ALDH1A1: variants seen among roughly 807,000 people sequenced by gnomAD.
ALDH1A1 encodes the protein aldehyde dehydrogenase 1A1.
In ALDH1A1, 19 loss-of-function variants were observed where a neutral mutation model predicts 62.1. The observed-to-expected ratio is 0.31, with a 90% CI of 0.21 to 0.45. The LOEUF is 0.45. Ranked by LOEUF, ALDH1A1 falls within the 20% of genes least tolerant of loss-of-function variation. ALDH1A1 has a pLI of 1.00. For missense variants in ALDH1A1, 521 were observed against 607.1 expected, an observed-to-expected ratio of 0.86 and a Z score of 1.49; for synonymous variants, 231 against 215.9, an observed-to-expected ratio of 1.07 and a Z score of -0.61.
intron 2 of ALDH1A1, among the ~76,000 whole-genome samples, chr9:72,939,039 G>T (rs1000304706): frequency 1.3e-5 from 2 of 152,008 alleles, no homozygotes; most frequent in Admixed American, 6.6e-5. Flanking sequence ...CACTGCGCCC[G>T]GCCAACCCTA....
rs199535733 is a variant in ALDH1A1 at position 72,911,003 on chromosome 9, A to T, written c.1200+955T>A. On this transcript the variant is annotated intron_variant, in intron 10 of 12. Coordinates refer to ENST00000297785, the MANE Select transcript of ALDH1A1 (RefSeq NM_000689.5). ...ATAGGAACACAATAAATGTTTCCTT[A>T]ATTGAAGATTTTTTTCCACGTCTTA... 2.2e-4 allele frequency among the ~76,000 whole-genome samples: 34 copies of T among 152,286 alleles called. No homozygotes were observed. In the East Asian group the frequency reaches 5.6e-3, roughly 25 times the overall value.
At chr9:72,903,918 T>A (rs1334416530) in intron 12 of ALDH1A1, among the ~76,000 whole-genome samples, 2 of 152,102 alleles carry the variant, frequency 1.3e-5, no homozygotes, top group Admixed American at 1.3e-4. Context: ...TTGTTCTTAC[T>A]TTTTGTACAA....
In ALDH1A1 at chr9:72,924,111, C is replaced by T; in HGVS notation, c.655G>A (p.Val219Met). ...IKEAGFPPGVVNIVPGYGPTA... is the reference protein window; with the variant it reads ...IKEAGFPPGVMNIVPGYGPTA... The stretch of plus-strand genomic sequence containing the variant: ...GGCCCATAACCAGGAACAATATTCA[C>T]TACTCCAGGAGGAAACCCTGCCTAA... The change falls in exon 7 of 13, where the codon GTG becomes ATG. Residue 219 changes from valine (V) to methionine (M), a missense_variant. By Grantham distance (21) the Val-to-Met change is conservative (BLOSUM62 1). Transcript: ENST00000297785. The T allele has an allele frequency of 6.2e-7, 1 of 1,611,400 alleles. No homozygotes were observed. Among genetic ancestry groups the T allele is most frequent in the Non-Finnish European group, 8.5e-7 (1 of 1,178,722 alleles).
intron 3 of ALDH1A1, among the ~76,000 whole-genome samples, chr9:72,930,646 T>C (rs1830269190): frequency 6.6e-6 from 1 of 152,202 alleles, no homozygotes; most frequent in Admixed American, 6.5e-5. Flanking sequence ...TTTGCTAAAG[T>C]TTAGACCGTA....
rs116343443 is a variant in ALDH1A1, at chr9:72,931,065, C to T, written c.172-46G>A. 616 of 1,610,634 alleles carry T rather than the reference C, an allele frequency of 3.8e-4. No homozygotes were observed. The African/African-American group carries it at 5.9e-3, about 15-fold the overall frequency. On this transcript the variant is annotated intron_variant, in intron 2 of 12. Coordinates refer to ENST00000297785, the MANE Select transcript of ALDH1A1 (RefSeq NM_000689.5). ...AATTCAGTAAGCTAAACATATTAGG[C>T]AAGCAAATTTAATGCCAATAACCCT... is the stretch of plus-strand genomic sequence containing the variant.
At position 72,916,901 on chromosome 9, in the gene ALDH1A1, C is replaced by A. The variant is rs1273195983; in HGVS notation, c.1035+19G>T. Reference sequence around the variant, plus strand: ...ATTCCTGTGCCCTGAAAATGCTATCCTTTCTATTTTATACTTACCTGAGGG... The same window carrying A: ...ATTCCTGTGCCCTGAAAATGCTATCATTTCTATTTTATACTTACCTGAGGG... On this transcript the variant is annotated intron_variant, in intron 9 of 12. Coordinates refer to ENST00000297785, the MANE Select transcript of ALDH1A1 (RefSeq NM_000689.5). 1.3e-6 allele frequency: 2 copies of A among 1,559,818 alleles called. No individual in the cohort carries two copies. The highest frequency in any genetic ancestry group is 1.7e-6 in the Non-Finnish European group (2 of 1,151,212).
intron 11 of ALDH1A1, among the ~76,000 whole-genome samples, chr9:72,908,994 C>G (rs138250584): frequency 6.6e-6 from 1 of 152,150 alleles, no homozygotes; most frequent in Admixed American, 6.5e-5. Context: ...TGTTCTTACT[C>G]TTTTACCTCC....
At chr9:72,939,388 T>A (rs1235621368) in intron 2 of ALDH1A1, among the ~76,000 whole-genome samples, 1 of 152,170 alleles carries the variant, frequency 6.6e-6, no homozygotes, top group Non-Finnish European at 1.5e-5. Context: ...TTCTATAATA[T>A]AATTTTTACA....
At chr9:72,942,625 A>AGGTG (rs997139053) in intron 1 of ALDH1A1, among the ~76,000 whole-genome samples, 1 of 152,070 alleles carries the variant, frequency 6.6e-6, no homozygotes, top group African/African-American at 2.4e-5. Context: ...ATGGCACTGG[A>AGGTG]GGTGGTTCAC....
At chr9:72,904,864 T>G (rs959278573) in intron 12 of ALDH1A1, among the ~76,000 whole-genome samples, 1 of 152,182 alleles carries the variant, frequency 6.6e-6, no homozygotes, top group Non-Finnish European at 1.5e-5. Context: ...TTATTTTGCA[T>G]GTCCTGCCAC....
chr9:72,924,475 C>T (rs1830180770), intron 6 of ALDH1A1, among the ~76,000 whole-genome samples: 1 of 152,140 alleles, frequency 6.6e-6, no homozygotes, highest in Non-Finnish European at 1.5e-5. Flanking sequence ...AAGTAAGTAA[C>T]ATGTTTATTA....
rs373948969 is a variant in ALDH1A1, at chr9:72,917,142, A to T, written c.851-38T>A. The T allele has an allele frequency of 4.5e-6, 6 of 1,339,418 alleles. No individual in the cohort carries two copies. In the East Asian group the frequency reaches 1.8e-4, roughly 39 times the overall value. The allele number at this position is 1,339,418 out of a possible 1,614,324, so 83.0% of individuals were successfully genotyped here. A position where few individuals can be genotyped will look rare whatever the true frequency, so the allele number is the denominator to read the frequency against. On this transcript the variant is annotated intron_variant, in intron 8 of 12. Transcript: ENST00000297785. ...CATTCACATTAAAGATATATTTTAT[A>T]AAAATTATATATTTTATATGTTTCT...
intron 5 of ALDH1A1, 88 bp from the exon 6 acceptor site, chr9:72,925,700 T>A: frequency 1.4e-6 from 2 of 1,406,112 alleles, no homozygotes; most frequent in Non-Finnish European, 1.9e-6. Context: ...CCCCTGTAGA[T>A]GTTATGTAAT....
At chr9:72,927,368 C>T (rs958098688) in intron 4 of ALDH1A1, among the ~76,000 whole-genome samples, 191 bp from the exon 5 acceptor site, 1 of 152,192 alleles carries the variant, frequency 6.6e-6, no homozygotes, top group East Asian at 1.9e-4. Context: ...GTCAAGAGAT[C>T]GAGACCATCT....
Position 72,941,760 on chromosome 9 carries a change from G to A in ALDH1A1, c.67-1508C>T, listed in dbSNP as rs548109529. Among the ~76,000 whole-genome samples, 148 of 152,278 alleles carry A rather than the reference G, an allele frequency of 9.7e-4. 1 individual carries two copies. Among genetic ancestry groups the A allele is most frequent in the African/African-American group, 3.2e-3 (135 of 41,564 alleles). ...TACAAAATGGGGAAGAGGATAAGCC[G>A]TCTTGTTTGCCCATTCATGCCAATA... On this transcript the variant is annotated intron_variant, in intron 1 of 12. Coordinates refer to ENST00000297785, the MANE Select transcript of ALDH1A1 (RefSeq NM_000689.5).
At position 72,928,785 on chromosome 9, in the gene ALDH1A1, G is replaced by A. The variant is rs1360610764; in HGVS notation, c.442+107C>T. 6.6e-6 allele frequency: 8 copies of A among 1,218,462 alleles called. No individual in the cohort carries two copies. In the Admixed American group the frequency reaches 1.1e-4, roughly 17 times the overall value. 75.5% of individuals were successfully genotyped at this position (1,218,462 alleles called of 1,614,324 possible). A position where few individuals can be genotyped will look rare whatever the true frequency, so the allele number is the denominator to read the frequency against. On this transcript the variant is annotated intron_variant, in intron 4 of 12. Coordinates refer to ENST00000297785, the MANE Select transcript of ALDH1A1 (RefSeq NM_000689.5). ...TCAAAGTCAAGAGGAAAATAATTTTGCCTTATTTGGTTGACATCTTTAAAA... is the reference window on the plus strand; with the variant it reads ...TCAAAGTCAAGAGGAAAATAATTTTACCTTATTTGGTTGACATCTTTAAAA...
At position 72,912,090 on chromosome 9, in the gene ALDH1A1, G is replaced by A. The variant is rs1829998929; in HGVS notation, c.1068C>T (p.Asp356=). The A allele has an allele frequency of 6.2e-7, 1 of 1,613,494 alleles. No homozygotes were observed. The highest frequency in any genetic ancestry group is 1.3e-5 in the African/African-American group (1 of 74,956). The change falls in exon 10 of 13, where the codon GAC becomes GAT. Residue 356 remains aspartate, a synonymous_variant. Transcript: ENST00000297785. ...IDKEQYDKIL[D]LIESGKKEGA... is the part of the protein sequence containing the mutation. ...CTTCTTTCTTCCCACTCTCAATGAG[G>A]TCAAGTATTTTATCATATTGTTCCT... is the stretch of plus-strand genomic sequence containing the variant.
chr9:72,929,796 T>C (rs1830257131), intron 3 of ALDH1A1, among the ~76,000 whole-genome samples: 1 of 152,204 alleles, frequency 6.6e-6, no homozygotes, highest in African/African-American at 2.4e-5. Flanking sequence ...CATGTCAAAA[T>C]TTAACCAAAT....
chr9:72,951,175 A>G (rs1830540148), intron 1 of ALDH1A1, among the ~76,000 whole-genome samples: 1 of 151,872 alleles, frequency 6.6e-6, no homozygotes, highest in African/African-American at 2.4e-5. Flanking sequence ...CTTCTTTTGG[A>G]CACTTAGGTC....
Sources: gnomAD v4.1 joint callset for allele counts (sites outside exome capture counted in the v4.1 genomes callset) on GRCh38, gnomAD v4.1.1 for gene constraint, MANE v1.5 for transcripts, NCBI Gene and HGNC (gene_info 2026-07-23, HGNC 2026-07-21) for gene names.